SNRPC: variants seen among roughly 807,000 people sequenced by gnomAD.
SNRPC encodes small nuclear ribonucleoprotein polypeptide C, also known as U1 small nuclear ribonucleoprotein C.
A neutral mutation model predicts 20.0 loss-of-function variants in SNRPC; 5 were observed. The observed-to-expected ratio is 0.25, with a 90% CI of 0.13 to 0.53. The LOEUF (loss-of-function observed/expected upper bound fraction) is 0.53. Ranked by LOEUF, SNRPC falls within the 20% of genes least tolerant of loss-of-function variation. The pLI is 0.96. For synonymous variants in SNRPC, 61 were observed against 58.7 expected (o/e 1.04, Z -0.18); for missense variants, 112 against 224.1 (o/e 0.50, Z 3.19).
intron 3 of SNRPC, among the ~76,000 whole-genome samples, chr6:34,766,209 A>G (rs1337746195): frequency 6.6e-6 from 1 of 151,954 alleles, no homozygotes; most frequent in East Asian, 1.9e-4. Context: ...TTTAAATTTT[A>G]ATTTTTTTAG....
intron 3 of SNRPC, among the ~76,000 whole-genome samples, chr6:34,766,656 C>G (rs538721517): frequency 6.6e-6 from 1 of 152,290 alleles, no homozygotes; most frequent in East Asian, 1.9e-4. Context: ...CTTTGCTTCC[C>G]CCACTTCAGG....
chr6:34,762,120 ATTG>A (rs1764545200), intron 2 of SNRPC, among the ~76,000 whole-genome samples: 2 of 152,146 alleles, frequency 1.3e-5, no homozygotes, highest in Non-Finnish European at 2.9e-5. Context: ...AATGGGCAAC[ATTG>A]TGAGACGTCA....
chr6:34,757,524 C>G lies in SNRPC; in HGVS notation c.-20C>G. 2.5e-6 allele frequency: 4 copies of G among 1,613,016 alleles called. No individual in the cohort carries two copies. Among genetic ancestry groups the G allele is most frequent in the Non-Finnish European group, 3.4e-6 (4 of 1,179,030 alleles). On this transcript the variant is annotated 5_prime_UTR_variant, in exon 1 of 6. Coordinates refer to ENST00000244520, the MANE Select transcript of SNRPC (RefSeq NM_003093.3). Reference sequence around the variant, plus strand: ...TTCCGGGCGTCACGTAACGGAGTGGCCAACGGCCTGCAGAGCAACATGCCC... The same window carrying G: ...TTCCGGGCGTCACGTAACGGAGTGGGCAACGGCCTGCAGAGCAACATGCCC...
At chr6:34,759,642 C>T (rs1049491833) in intron 2 of SNRPC, among the ~76,000 whole-genome samples, 1 of 152,184 alleles carries the variant, frequency 6.6e-6, no homozygotes, top group Non-Finnish European at 1.5e-5. Flanking sequence ...ACAGTGATCA[C>T]TAATACAGTA....
rs908458749 is a variant in SNRPC, at chr6:34,763,346, C to G, written c.160+643C>G. Among the ~76,000 whole-genome samples, 5 of 152,074 alleles carry G rather than the reference C, an allele frequency of 3.3e-5. No individual in the cohort carries two copies. In the South Asian group the frequency reaches 1.0e-3, roughly 32 times the overall value. ...GCCTTTCTTAATCATTCATTGTACT[C>G]CAAGCTGGCAAGCAAATATGGGCTT... On this transcript the variant is annotated intron_variant, in intron 3 of 5. Transcript: ENST00000244520.
At chr6:34,758,761 T>C (rs1764487342) in intron 2 of SNRPC, among the ~76,000 whole-genome samples, 1 of 152,076 alleles carries the variant, frequency 6.6e-6, no homozygotes, top group Non-Finnish European at 1.5e-5. Flanking sequence ...TGTAGACACA[T>C]TTGATTATGT....
At chr6:34,768,433 T>A (rs373460944) in intron 4 of SNRPC, among the ~76,000 whole-genome samples, 24 of 152,270 alleles carry the variant, frequency 1.6e-4, no homozygotes, top group African/African-American at 5.1e-4. Context: ...CTAACCCACC[T>A]AACACCAAAA....
chr6:34,762,317 GATAGAT>G (rs1263733141), intron 2 of SNRPC, among the ~76,000 whole-genome samples: 1 of 150,780 alleles, frequency 6.6e-6, no homozygotes, highest in African/African-American at 2.4e-5. Context: ...AAAAAAAAAA[GATAGAT>G]AGAGATAAAT....
chr6:34,757,742 AC>A (rs1764472816), intron 1 of SNRPC, 169 bp from the exon 2 acceptor site: 1 of 1,528,592 alleles, frequency 6.5e-7, no homozygotes, highest in Admixed American at 2.1e-5. Context: ...GCTTAAGGCA[AC>A]AAAAAAAAGC....
intron 2 of SNRPC, 49 bp downstream of exon 2, chr6:34,758,003 TTAAA>T: frequency 6.4e-7 from 1 of 1,569,060 alleles, no homozygotes; most frequent in Non-Finnish European, 8.6e-7. Context: ...TGTGTAATAA[TTAAA>T]TGAGTTTTGT....
In SNRPC at chr6:34,773,064, G is replaced by A; in HGVS notation, c.356-382G>A. ...ATGAAATAGCTCCTGGTTATATGGT[G>A]GATAACACTGATTAAAAGAGCTGAC... On this transcript the variant is annotated intron_variant, in intron 5 of 5. Transcript: ENST00000244520. The surrounding 1 kb of genome is among the most constrained non-coding windows in gnomAD (Gnocchi z 4.1). The A allele has an allele frequency of 4.8e-6, 1 of 206,228 alleles. No individual in the cohort carries two copies. The highest frequency in any genetic ancestry group is 8.2e-5 in the South Asian group (1 of 12,184). The allele number at this position is 206,228 out of a possible 1,614,324, so 12.8% of individuals were successfully genotyped here.
intron 2 of SNRPC, among the ~76,000 whole-genome samples, chr6:34,759,496 C>T (rs1764505248): frequency 6.6e-6 from 1 of 152,196 alleles, no homozygotes; most frequent in Admixed American, 6.5e-5. Flanking sequence ...GTCTATACTT[C>T]CCATTTTGTC....
At position 34,773,776 on chromosome 6, in the gene SNRPC, T is replaced by C; in HGVS notation, c.*206T>C. On this transcript the variant is annotated 3_prime_UTR_variant, in exon 6 of 6. Transcript: ENST00000244520. The surrounding 1 kb of genome is among the most constrained non-coding windows in gnomAD (Gnocchi z 4.1). ...ATTGGGAAATGTGAAAATAAAATTGTCAACTCTTTCAGTTAAAAGTGTGTT... is the reference window on the plus strand; with the variant it reads ...ATTGGGAAATGTGAAAATAAAATTGCCAACTCTTTCAGTTAAAAGTGTGTT... The C allele has an allele frequency of 2.3e-6, 1 of 429,630 alleles. No homozygotes were observed. The highest frequency in any genetic ancestry group is 5.5e-5 in the South Asian group (1 of 18,222). 26.6% of individuals were successfully genotyped at this position (429,630 alleles called of 1,614,324 possible).
Position 34,773,511 on chromosome 6 carries a change from C to A in SNRPC, c.421C>A (p.Pro141Thr). The A allele has an allele frequency of 6.2e-7, 1 of 1,613,712 alleles. No individual in the cohort carries two copies. Among genetic ancestry groups the A allele is most frequent in the Non-Finnish European group, 8.5e-7 (1 of 1,179,790 alleles). The change falls in exon 6 of 6, where the codon CCT becomes ACT. Residue 141 changes from proline (P) to threonine (T), a missense_variant. This residue lies in a region of SNRPC where 57 missense variants were observed against 121.0 expected (regional missense o/e 0.47). Coordinates refer to ENST00000244520, the MANE Select transcript of SNRPC (RefSeq NM_003093.3). The surrounding 1 kb of genome is among the most constrained non-coding windows in gnomAD (Gnocchi z 4.1). ...GATGCCTGGGCCCCCAATGATGAGA[C>A]CTCCTGCCCGTCCCATGATGGTGCC... is the stretch of plus-strand genomic sequence containing the variant. ...PMMPGPPMMR[P>T]PARPMMVPTR...
chr6:34,757,974 A>G lies in SNRPC; in HGVS notation c.51+20A>G, dbSNP rs1220409892. The G allele has an allele frequency of 8.1e-6, 13 of 1,596,248 alleles. No homozygotes were observed. Among genetic ancestry groups the G allele is most frequent in the Non-Finnish European group, 1.1e-5 (13 of 1,175,772 alleles). ...GACTCTGTAAGTGGCATATCTATTC[A>G]TAGTTTCAAAAAGCCTTATGTGTAA... is the stretch of plus-strand genomic sequence containing the variant. On this transcript the variant is annotated intron_variant, in intron 2 of 5. Transcript: ENST00000244520.
intron 5 of SNRPC, among the ~76,000 whole-genome samples, chr6:34,772,577 C>G (rs16894102): frequency 6.6e-6 from 1 of 152,072 alleles, no homozygotes. Flanking sequence ...CTCTTGAACC[C>G]TTTGCTGCAA....
Position 34,762,577 on chromosome 6 carries a change from G to T in SNRPC, c.52-18G>T, listed in dbSNP as rs753560214. 1.6e-5 allele frequency: 21 copies of T among 1,338,464 alleles called. No homozygotes were observed. In the Admixed American group the frequency reaches 2.2e-4, roughly 14 times the overall value. 82.9% of individuals were successfully genotyped at this position (1,338,464 alleles called of 1,614,324 possible). A position where few individuals can be genotyped will look rare whatever the true frequency, so the allele number is the denominator to read the frequency against. ...GGACATTTGTTTCTACGTCTGATATGATCTTTTTATTTTACAGCCATCTGT... is the reference window on the plus strand; with the variant it reads ...GGACATTTGTTTCTACGTCTGATATTATCTTTTTATTTTACAGCCATCTGT... On this transcript the variant is annotated intron_variant, in intron 2 of 5. Transcript: ENST00000244520.
chr6:34,764,516 A>G (rs1764588728), intron 3 of SNRPC, among the ~76,000 whole-genome samples: 1 of 151,640 alleles, frequency 6.6e-6, no homozygotes, highest in South Asian at 2.1e-4. Context: ...CAAAAAATTC[A>G]GACGGGCATG....
At chr6:34,768,587 A>G (rs542063309) in intron 4 of SNRPC, among the ~76,000 whole-genome samples, 6 of 152,100 alleles carry the variant, frequency 3.9e-5, no homozygotes, top group Non-Finnish European at 5.9e-5. Context: ...CCCCATCCCT[A>G]CTAAAAATAC....
Sources: allele counts gnomAD v4.1 joint callset (sites outside exome capture counted in the v4.1 genomes callset), GRCh38; gene constraint gnomAD v4.1.1; regional missense constraint gnomAD v4.1.1; non-coding constraint Gnocchi (gnomAD v3.1); transcripts MANE v1.5; gene names NCBI Gene and HGNC (gene_info 2026-07-23, HGNC 2026-07-21).